Variants in PTPRN2 observed in about 807,000 individuals in gnomAD.
PTPRN2 encodes receptor-type tyrosine-protein phosphatase N2.
PTPRN2 carries 74 observed loss-of-function variants against 118.8 expected under a neutral mutation model. That is an observed-to-expected ratio of 0.62 (90% CI 0.52 to 0.76). The LOEUF (loss-of-function observed/expected upper bound fraction) is 0.76, where lower values mean the gene tolerates loss of function less well. Ranked by LOEUF, PTPRN2 falls within the 30% of genes least tolerant of loss-of-function variation. The probability of loss-of-function intolerance (pLI) is 0.00; values close to 1 mark genes in which losing one functional copy is unlikely to be tolerated. For synonymous variants in PTPRN2, 641 were observed against 608.0 expected (o/e 1.05, Z -0.80); for missense variants, 1,481 against 1,394.4 (o/e 1.06, Z -0.99).
intron 1 of PTPRN2, among the ~76,000 whole-genome samples, chr7:158,528,587 C>T (rs1183173029): frequency 6.6e-6 from 1 of 151,580 alleles, no homozygotes; most frequent in Non-Finnish European, 1.5e-5. Context: ...GAGATTGAGA[C>T]CATCCTGGCT....
intron 17 of PTPRN2, among the ~76,000 whole-genome samples, chr7:157,584,125 A>G (rs933762912): frequency 2.0e-5 from 3 of 152,180 alleles, no homozygotes; most frequent in Admixed American, 6.5e-5. Context: ...ACATAGTGAG[A>G]TCCCATCTCT....
In PTPRN2 at chr7:158,151,130, C is replaced by A. The variant is rs941502876; in HGVS notation, c.911-12615G>T. 3.6e-4 allele frequency among the ~76,000 whole-genome samples: 39 copies of A among 107,994 alleles called. 3 individuals carry two copies. Among genetic ancestry groups the A allele is most frequent in the Non-Finnish European group, 4.5e-4 (23 of 50,862 alleles). 70.8% of individuals were successfully genotyped at this position (107,994 alleles called of 152,430 possible). On this transcript the variant is annotated intron_variant, in intron 6 of 22. Transcript: ENST00000389418. ...TCTGCTCCTACCCCTGCCCACACCGCCCGCCTTTCTATTCCTGCCTCTCCC... is the reference window on the plus strand; with the variant it reads ...TCTGCTCCTACCCCTGCCCACACCGACCGCCTTTCTATTCCTGCCTCTCCC...
At chr7:157,767,837 G>A (rs6946108) in intron 12 of PTPRN2, among the ~76,000 whole-genome samples, 1,971 of 152,334 alleles carry the variant, frequency 0.013, 36 homozygotes, top group African/African-American at 0.044. Flanking sequence ...TTCCAGCTCT[G>A]TGCTCCTTGC....
chr7:157,875,061 A>G (rs1278645775), intron 12 of PTPRN2, among the ~76,000 whole-genome samples: 1 of 152,106 alleles, frequency 6.6e-6, no homozygotes, highest in East Asian at 1.9e-4. Context: ...ACAGACACAC[A>G]CACACACACG....
In PTPRN2 at chr7:158,509,346, G is replaced by A. The variant is rs375588387; in HGVS notation, c.113-19561C>T. Among the ~76,000 whole-genome samples, 97 of 152,296 alleles carry A rather than the reference G, an allele frequency of 6.4e-4. 2 individuals are homozygous for A. The South Asian group carries it at 0.019, about 31-fold the overall frequency. ...TAACGTGCAATCGGGGCTGGAGCCG[G>A]AGACCCCTCCACCCTGCAGTCAGGG... On this transcript the variant is annotated intron_variant, in intron 1 of 22. Coordinates refer to ENST00000389418, the MANE Select transcript of PTPRN2 (RefSeq NM_002847.5). This position sits in a 1 kb window ranked among gnomAD's most constrained non-coding sequence, Gnocchi z 4.4.
At position 158,192,513 on chromosome 7, in the gene PTPRN2, A is replaced by C. The variant is rs1461356753; in HGVS notation, c.381-18T>G. 5.1e-6 allele frequency: 8 copies of C among 1,567,504 alleles called. No individual in the cohort carries two copies. Among genetic ancestry groups the C allele is most frequent in the Non-Finnish European group, 6.9e-6 (8 of 1,162,332 alleles). Reference sequence around the variant, plus strand: ...TTGAGGGCCTGAAAAAGCAAAAGAAACCAGACATCAACCGCATGTTTGCTG... The same window carrying C: ...TTGAGGGCCTGAAAAAGCAAAAGAACCCAGACATCAACCGCATGTTTGCTG... On this transcript the variant is annotated intron_variant, in intron 4 of 22. Coordinates refer to ENST00000389418, the MANE Select transcript of PTPRN2 (RefSeq NM_002847.5).
chr7:158,318,486 CG>C (rs1802533497), intron 2 of PTPRN2, among the ~76,000 whole-genome samples: 1 of 152,136 alleles, frequency 6.6e-6, no homozygotes, highest in Non-Finnish European at 1.5e-5. Flanking sequence ...GAGTGAGCCA[CG>C]GGCCAGGAAG....
chr7:158,058,816 C>T (rs1443685371), intron 11 of PTPRN2, among the ~76,000 whole-genome samples: 1 of 120,462 alleles, frequency 8.3e-6, no homozygotes, highest in Non-Finnish European at 1.7e-5. Context: ...TGACGCATCA[C>T]TGCAGCCACA....
intron 3 of PTPRN2, among the ~76,000 whole-genome samples, chr7:158,291,011 AGAG>A (rs747619120): frequency 2.0e-5 from 3 of 152,206 alleles, no homozygotes; most frequent in Non-Finnish European, 2.9e-5. Flanking sequence ...GCTCTTTGAC[AGAG>A]GAGGAGGAGG....
At chr7:157,637,728 A>G (rs974570760) in intron 14 of PTPRN2, among the ~76,000 whole-genome samples, 29 of 152,334 alleles carry the variant, frequency 1.9e-4, no homozygotes, top group African/African-American at 6.7e-4. Context: ...TGGTTCTAAC[A>G]GGGAGACCTT....
intron 12 of PTPRN2, among the ~76,000 whole-genome samples, chr7:157,792,381 C>T (rs1254184619): frequency 1.3e-5 from 2 of 152,244 alleles, no homozygotes; most frequent in Non-Finnish European, 2.9e-5. Context: ...TCTCCTGGGT[C>T]CCCTCTTTGC....
intron 12 of PTPRN2, among the ~76,000 whole-genome samples, chr7:157,866,798 G>T (rs1160179938): frequency 4.4e-5 from 2 of 45,724 alleles, no homozygotes; most frequent in Non-Finnish European, 4.4e-5. Flanking sequence ...CCACTACCCC[G>T]CCCCCGACGC....
Position 158,263,282 on chromosome 7 carries a change from TCA to T in PTPRN2, c.277+53535_277+53536del, listed in dbSNP as rs369131222. On this transcript the variant is annotated intron_variant, in intron 3 of 22. Transcript: ENST00000389418. ...TGTGCATGCACTGCACGTGTTGCAC[TCA>T]CAGTCACATGTGCACACCGTGTGTG... 7.1e-3 allele frequency among the ~76,000 whole-genome samples: 1,088 copies of T among 152,326 alleles called. 8 individuals carry two copies. The highest frequency in any genetic ancestry group is 0.015 in the African/African-American group (624 of 41,568).
intron 3 of PTPRN2, among the ~76,000 whole-genome samples, chr7:158,246,388 A>T (rs1276494555): frequency 6.6e-6 from 1 of 151,396 alleles, no homozygotes; most frequent in Non-Finnish European, 1.5e-5. Context: ...TGGAGTCGAG[A>T]CGCGTCTCTC....
At chr7:158,425,766 G>A (rs1586646837) in intron 2 of PTPRN2, among the ~76,000 whole-genome samples, 2 of 95,748 alleles carry the variant, frequency 2.1e-5, no homozygotes, top group Non-Finnish European at 1.9e-5. Context: ...AAGACGCGGG[G>A]TCCAAGTGCA....
At chr7:157,885,816 T>A (rs1796420068) in intron 12 of PTPRN2, among the ~76,000 whole-genome samples, 1 of 152,162 alleles carries the variant, frequency 6.6e-6, no homozygotes, top group South Asian at 2.1e-4. Flanking sequence ...GGCTGCCTGG[T>A]GCTGGCACCG....
chr7:157,613,029 G>A (rs552806925), intron 15 of PTPRN2, among the ~76,000 whole-genome samples: 4 of 152,312 alleles, frequency 2.6e-5, no homozygotes, highest in East Asian at 1.9e-4. Flanking sequence ...GGGCCGGGGT[G>A]CTTCCGGCCT....
chr7:158,159,795 C>G (rs6459847), intron 6 of PTPRN2, among the ~76,000 whole-genome samples: 1 of 151,988 alleles, frequency 6.6e-6, no homozygotes, highest in South Asian at 2.1e-4. Context: ...TGAAAAAAAA[C>G]TACAGCACTG....
At chr7:157,827,487 T>C (rs765018064) in intron 12 of PTPRN2, among the ~76,000 whole-genome samples, 1 of 152,110 alleles carries the variant, frequency 6.6e-6, no homozygotes, top group Non-Finnish European at 1.5e-5. Flanking sequence ...TGAGAAAGCG[T>C]TCGGGCTGTG....
Sources: gnomAD v4.1 joint callset for allele counts (sites outside exome capture counted in the v4.1 genomes callset) on GRCh38, gnomAD v4.1.1 for gene constraint, Gnocchi (gnomAD v3.1) non-coding constraint, MANE v1.5 for transcripts, NCBI Gene and HGNC (gene_info 2026-07-23, HGNC 2026-07-21) for gene names.